ARHGAP6: variants seen among roughly 807,000 people sequenced by gnomAD.
ARHGAP6 encodes the protein rho GTPase-activating protein 6.
ARHGAP6 carries 16 observed loss-of-function variants against 55.7 expected under a neutral mutation model. The ratio of observed to expected loss-of-function variants is 0.29; its 90% CI spans 0.19 to 0.44. The LOEUF (loss-of-function observed/expected upper bound fraction) is 0.44, where lower values mean the gene tolerates loss of function less well. Ranked by LOEUF, ARHGAP6 falls within the 20% of genes least tolerant of loss-of-function variation. The probability of loss-of-function intolerance (pLI) is 1.00; values close to 1 mark genes in which losing one functional copy is unlikely to be tolerated. For synonymous variants in ARHGAP6, 382 were observed against 360.9 expected (o/e 1.06, Z -0.66); for missense variants, 698 against 808.9 (o/e 0.86, Z 1.66).
intron 1 of ARHGAP6, among the ~76,000 whole-genome samples, chrX:11,569,884 T>C (rs2051492329): frequency 8.9e-6 from 1 of 112,230 alleles, no homozygotes; most frequent in Admixed American, 9.5e-5. Flanking sequence ...TTTATTTTTG[T>C]CATATTTAAA....
chrX:11,193,476 T>A (rs1334993151), intron 3 of ARHGAP6, among the ~76,000 whole-genome samples: 1 of 113,199 alleles, frequency 8.8e-6, no homozygotes, highest in Non-Finnish European at 1.9e-5. Flanking sequence ...ACTCTCAGTG[T>A]TGACATGGAC....
chrX:11,551,655 A>C (rs1255919173), intron 1 of ARHGAP6, among the ~76,000 whole-genome samples: 1 of 112,022 alleles, frequency 8.9e-6, no homozygotes, highest in African/African-American at 3.2e-5. Flanking sequence ...AAATGATGTC[A>C]TTAGAGTGGG....
At chrX:11,419,797 G>T (rs2049796706) in intron 1 of ARHGAP6, among the ~76,000 whole-genome samples, 1 of 112,254 alleles carries the variant, frequency 8.9e-6, no homozygotes, top group Non-Finnish European at 1.9e-5. Flanking sequence ...CTGCAGAAAG[G>T]GGTCATTCAA....
At chrX:11,344,386 TGCCCGGCCAGGCGCAGTGGCTCAC>T (rs1156744877) in intron 1 of ARHGAP6, among the ~76,000 whole-genome samples, 1 of 111,204 alleles carries the variant, frequency 9.0e-6, no homozygotes, top group African/African-American at 3.3e-5. Context: ...TTAATACTGA[TGCCCGGCCAGGCGCAGTGGCTCAC>T]GCCTGTAATC....
At chrX:11,210,909 A>G (rs1236838179) in intron 2 of ARHGAP6, among the ~76,000 whole-genome samples, 4 of 112,231 alleles carry the variant, frequency 3.6e-5, no homozygotes, top group Non-Finnish European at 1.9e-5. Context: ...TATAGAGAAA[A>G]ATTATATTTC....
intron 3 of ARHGAP6, 88 bp downstream of exon 3, chrX:11,196,837 C>T (rs775206008): frequency 8.6e-5 from 47 of 549,019 alleles, no homozygotes; most frequent in Middle Eastern, 3.1e-4. Context: ...AGTTGAACCA[C>T]GTATATCTAT....
intron 2 of ARHGAP6, among the ~76,000 whole-genome samples, chrX:11,224,670 C>T (rs1364643097): frequency 1.9e-5 from 2 of 107,302 alleles, no homozygotes; most frequent in African/African-American, 3.5e-5. Flanking sequence ...GGAGGGGGGG[C>T]GGTTATGATG....
chrX:11,548,733 C>T lies in ARHGAP6; in HGVS notation c.588+115508G>A, dbSNP rs746613406. On this transcript the variant is annotated intron_variant, in intron 1 of 12. Coordinates refer to ENST00000337414, the MANE Select transcript of ARHGAP6 (RefSeq NM_013427.3). ...AAGTGATTCTCCTGCCTCAGCCTCC[C>T]GAGTAGCTGGGATTACAGGCATGCA... Among the ~76,000 whole-genome samples, 11 of 110,938 alleles carry T rather than the reference C, an allele frequency of 9.9e-5. No homozygotes were observed. In the East Asian group the frequency reaches 2.8e-3, roughly 29 times the overall value.
At chrX:11,644,792 T>C in intron 1 of ARHGAP6, among the ~76,000 whole-genome samples, 1 of 111,787 alleles carries the variant, frequency 8.9e-6, no homozygotes, top group East Asian at 2.8e-4. Context: ...TAGTTTCTCA[T>C]AAAGTTAACC....
intron 1 of ARHGAP6, among the ~76,000 whole-genome samples, chrX:11,582,751 A>C (rs756687980): frequency 5.4e-5 from 6 of 111,766 alleles, no homozygotes; most frequent in Non-Finnish European, 1.1e-4. Flanking sequence ...CTAAGAGAAT[A>C]ATCTTAAATA....
At chrX:11,547,919 C>T (rs1193345990) in intron 1 of ARHGAP6, among the ~76,000 whole-genome samples, 4 of 111,264 alleles carry the variant, frequency 3.6e-5, no homozygotes, top group African/African-American at 1.3e-4. Context: ...AGAACCTGAG[C>T]TGATTTGAAG....
At chrX:11,186,060 A>G (rs998364047) in intron 5 of ARHGAP6, among the ~76,000 whole-genome samples, 176 bp downstream of exon 5, 1 of 111,509 alleles carries the variant, frequency 9.0e-6, no homozygotes, top group East Asian at 2.8e-4. Context: ...CTCTTCTCCA[A>G]TCTTGTTTAG....
intron 1 of ARHGAP6, among the ~76,000 whole-genome samples, chrX:11,608,723 G>GTGAA (rs1170582336): frequency 9.0e-6 from 1 of 111,660 alleles, no homozygotes; most frequent in Non-Finnish European, 1.9e-5. Flanking sequence ...TCTCATGGTA[G>GTGAA]TAAGTCTCAC....
Position 11,139,014 on chromosome X carries a change from T to G in ARHGAP6, c.2774A>C (p.Lys925Thr). Residue 925 changes from lysine to threonine, a missense_variant, in exon 13 of 13, where the codon AAA becomes ACA. By Grantham distance (78) the Lys-to-Thr change is moderately conservative (BLOSUM62 -1). Transcript: ENST00000337414. ...TGGCAGGGAGTTGGCGCTGCTCAGTTTTTTCTGCGTGACCTGCTGCTCTCG... is the reference window on the plus strand; with the variant it reads ...TGGCAGGGAGTTGGCGCTGCTCAGTGTTTTCTGCGTGACCTGCTGCTCTCG... ...AEREQQVTQK[K>T]LSSANSLPAG... 8.3e-7 allele frequency: 1 copy of G among 1,208,051 alleles called. No individual in the cohort carries two copies. Among genetic ancestry groups the G allele is most frequent in the Non-Finnish European group, 1.1e-6 (1 of 894,354 alleles).
chrX:11,602,939 T>C (rs1002774345), intron 1 of ARHGAP6, among the ~76,000 whole-genome samples: 3 of 112,238 alleles, frequency 2.7e-5, no homozygotes, highest in Non-Finnish European at 3.8e-5. Context: ...GAACACCGGA[T>C]GTGTCTGAGT....
chrX:11,520,577 T>C (rs898748465), intron 1 of ARHGAP6, among the ~76,000 whole-genome samples: 1 of 110,903 alleles, frequency 9.0e-6, no homozygotes, highest in African/African-American at 3.3e-5. Context: ...GACATTTGGG[T>C]TGGTTCCAAG....
chrX:11,513,590 C>T (rs73486542), intron 1 of ARHGAP6, among the ~76,000 whole-genome samples: 10,730 of 110,647 alleles, frequency 0.097, 614 homozygotes, highest in African/African-American at 0.2. Flanking sequence ...GCACTGAATC[C>T]GTAATAGTTT....
intron 1 of ARHGAP6, among the ~76,000 whole-genome samples, chrX:11,582,956 A>G (rs1388617154): frequency 8.9e-6 from 1 of 112,202 alleles, no homozygotes; most frequent in Non-Finnish European, 1.9e-5. Flanking sequence ...TTACATTGAA[A>G]CAAAAAATAA....
chrX:11,639,428 G>A (rs2052451078), intron 1 of ARHGAP6, among the ~76,000 whole-genome samples: 2 of 108,055 alleles, frequency 1.9e-5, no homozygotes, highest in African/African-American at 6.7e-5. Flanking sequence ...TTGTCTCATT[G>A]TTCAATTCTC....
Sources: allele counts gnomAD v4.1 joint callset (sites outside exome capture counted in the v4.1 genomes callset), GRCh38; gene constraint gnomAD v4.1.1; transcripts MANE v1.5; gene names NCBI Gene and HGNC (gene_info 2026-07-23, HGNC 2026-07-21).